The following SUCO variants were observed in gnomAD, a reference collection of about 807,000 sequenced individuals.
SUCO encodes the protein SUN domain containing ossification factor, also known as SUN domain-containing ossification factor.
Under a neutral mutation model 148.1 loss-of-function variants are expected in SUCO, and 57 were observed. That is an observed-to-expected ratio of 0.38 (90% CI 0.31 to 0.48). SUCO has a LOEUF of 0.48. Ranked by LOEUF, SUCO falls within the 20% of genes least tolerant of loss-of-function variation. The pLI, the probability that SUCO is intolerant of heterozygous loss-of-function variation, is 0.96. For missense variants in SUCO, 1,331 were observed against 1,468.2 expected (o/e 0.91, Z 1.53); for synonymous variants, 470 against 502.7 (o/e 0.93, Z 0.87).
At chr1:172,540,058 A>T (rs968683117) in intron 1 of SUCO, among the ~76,000 whole-genome samples, 1 of 152,204 alleles carries the variant, frequency 6.6e-6, no homozygotes, top group Non-Finnish European at 1.5e-5. Flanking sequence ...AATATGCATT[A>T]AATTATTTTA....
intron 1 of SUCO, among the ~76,000 whole-genome samples, chr1:172,535,671 A>G (rs1417388661): frequency 6.6e-6 from 1 of 152,176 alleles, no homozygotes; most frequent in East Asian, 1.9e-4. Flanking sequence ...GCCTTTTAGT[A>G]GCCACTTTTG....
chr1:172,570,477 T>C, intron 8 of SUCO, 186 bp from the exon 9 acceptor site: 2 of 566,640 alleles, frequency 3.5e-6, no homozygotes, highest in Non-Finnish European at 6.3e-6. Context: ...TAACACTAAT[T>C]TAATGCTGTT....
At chr1:172,605,984 G>A (rs564209083) in intron 22 of SUCO, among the ~76,000 whole-genome samples, 5 of 151,478 alleles carry the variant, frequency 3.3e-5, no homozygotes, top group Non-Finnish European at 7.4e-5. Flanking sequence ...GTTACCTATT[G>A]TCATAGGTAT....
At chr1:172,573,691 T>C (rs1421350068) in intron 9 of SUCO, among the ~76,000 whole-genome samples, 200 bp from the exon 10 acceptor site, 1 of 152,124 alleles carries the variant, frequency 6.6e-6, no homozygotes, top group Non-Finnish European at 1.5e-5. Flanking sequence ...TATTTACAGG[T>C]CTTTTCCCCC....
rs1285924298 is a variant in SUCO at position 172,557,681 on chromosome 1, C to T, written c.619C>T (p.His207Tyr). Residue 207 changes from histidine to tyrosine, a missense_variant, in exon 6 of 24, where the codon CAT becomes TAT. By Grantham distance (83) the His-to-Tyr change is moderately conservative. This residue lies in a region of SUCO where 992 missense variants were observed against 1,093.5 expected (regional missense o/e 0.91). Coordinates refer to ENST00000263688, the MANE Select transcript of SUCO (RefSeq NM_014283.5). ...GCATATAGAAAATGTATCATCTTCA[C>T]ATGGTAAAGGAAAGATAACAAAATC... The part of the protein sequence containing the change: ...GQHIENVSSS[H>Y]GKGKITKSEF... 2.5e-6 allele frequency: 4 copies of T among 1,611,722 alleles called. No individual in the cohort carries two copies. The African/African-American group carries it at 4.0e-5, about 16-fold the overall frequency.
chr1:172,550,287 A>G (rs1385363117), intron 1 of SUCO, among the ~76,000 whole-genome samples: 2 of 152,000 alleles, frequency 1.3e-5, no homozygotes, highest in East Asian at 3.9e-4. Flanking sequence ...TGAAATTGAC[A>G]CTTTTTCCAA....
chr1:172,602,553 C>A, intron 21 of SUCO, 143 bp from the exon 22 acceptor site: 1 of 1,432,256 alleles, frequency 7.0e-7, no homozygotes. Context: ...TTTTTTCCAC[C>A]TGTATTAGCA....
chr1:172,605,194 G>A (rs1338658105), intron 22 of SUCO, among the ~76,000 whole-genome samples: 1 of 151,752 alleles, frequency 6.6e-6, no homozygotes, highest in Non-Finnish European at 1.5e-5. Context: ...AGTCCCATTT[G>A]TCTATTGTGT....
At position 172,557,331 on chromosome 1, in the gene SUCO, G is replaced by A; in HGVS notation, c.495G>A (p.Glu165=). ...CGATAGCCAAACCAAGTGAAACTGAGCAGTCTGAAACTGATTGTGATGTTG... is the reference window on the plus strand; with the variant it reads ...CGATAGCCAAACCAAGTGAAACTGAACAGTCTGAAACTGATTGTGATGTTG... ...TIPIAKPSET[E]QSETDCDVGE... The change falls in exon 5 of 24, where the codon GAG becomes GAA. Residue 165 remains glutamate, a synonymous_variant. Transcript: ENST00000263688. 1 of 1,613,944 alleles carries A rather than the reference G, an allele frequency of 6.2e-7. No homozygotes were observed. Among genetic ancestry groups the A allele is most frequent in the Non-Finnish European group, 8.5e-7 (1 of 1,179,872 alleles).
intron 1 of SUCO, among the ~76,000 whole-genome samples, chr1:172,547,819 C>G (rs73032201): frequency 0.057 from 8,653 of 152,018 alleles, 765 homozygotes; most frequent in African/African-American, 0.19. Context: ...GAAGTTGATA[C>G]CTGTATTGTA....
chr1:172,542,809 A>G, intron 1 of SUCO: 2 of 985,408 alleles, frequency 2.0e-6, no homozygotes, highest in Non-Finnish European at 2.4e-6. Context: ...TCTGAAAGAA[A>G]GGAGGAAACT....
intron 9 of SUCO, among the ~76,000 whole-genome samples, chr1:172,571,615 A>G (rs1654998013): frequency 7.5e-6 from 1 of 133,332 alleles, no homozygotes; most frequent in Non-Finnish European, 1.6e-5. Flanking sequence ...GGAAGTGAGG[A>G]GCGCCTCTTC....
At chr1:172,571,140 G>A (rs1274914146) in intron 9 of SUCO, among the ~76,000 whole-genome samples, 2 of 152,256 alleles carry the variant, frequency 1.3e-5, no homozygotes, top group Non-Finnish European at 2.9e-5. Flanking sequence ...TGCCATCTCG[G>A]CACACTGCAG....
At position 172,588,770 on chromosome 1, in the gene SUCO, A is replaced by G. The variant is rs755333238; in HGVS notation, c.1669A>G (p.Thr557Ala). The G allele has an allele frequency of 6.7e-7, 1 of 1,496,570 alleles. No homozygotes were observed. Among genetic ancestry groups the G allele is most frequent in the Non-Finnish European group, 8.9e-7 (1 of 1,122,114 alleles). 92.7% of individuals were successfully genotyped at this position (1,496,570 alleles called of 1,614,324 possible). A position where few individuals can be genotyped will look rare whatever the true frequency, so the allele number is the denominator to read the frequency against. The change falls in exon 18 of 24, where the codon ACT (threonine) becomes GCT (alanine). Residue 557 changes from threonine (T) to alanine (A), a missense_variant. Around this residue, in one of 3 missense-constraint regions of SUCO, gnomAD observed 992 missense variants for 1,093.5 expected, o/e 0.91. Coordinates refer to ENST00000263688, the MANE Select transcript of SUCO (RefSeq NM_014283.5). The part of the protein sequence containing the change: ...TPVPSPEYVT[T>A]EVHTHDMEPS... ...TATATGTATTTCTAGGTATGTAACC[A>G]CTGAAGTACACACACATGACATGGA...
chr1:172,535,115 C>A (rs997970303), intron 1 of SUCO, among the ~76,000 whole-genome samples: 2 of 152,102 alleles, frequency 1.3e-5, no homozygotes, highest in African/African-American at 4.8e-5. Flanking sequence ...GTTTTCTCAC[C>A]TTCAATCATT....
intron 1 of SUCO, among the ~76,000 whole-genome samples, chr1:172,535,152 C>A (rs1651917032): frequency 1.3e-5 from 2 of 152,164 alleles, no homozygotes; most frequent in Non-Finnish European, 1.5e-5. Flanking sequence ...TAATGAATTT[C>A]CCTGTTAGGG....
rs780348355 is a variant in SUCO, at chr1:172,533,391, C to T, written c.-45C>T. 3.2e-6 allele frequency: 5 copies of T among 1,551,716 alleles called. No individual in the cohort carries two copies. The Admixed American group carries it at 7.8e-5, about 24-fold the overall frequency. ...TCTTGGCCTCGGCAGTGGCGGCTGC[C>T]GGGAGGATGTGCCGCCTTCTGGCAG... On this transcript the variant is annotated 5_prime_UTR_variant, in exon 1 of 24. Coordinates refer to ENST00000263688, the MANE Select transcript of SUCO (RefSeq NM_014283.5).
chr1:172,550,377 C>T (rs544613625), intron 1 of SUCO, among the ~76,000 whole-genome samples: 12 of 152,020 alleles, frequency 7.9e-5, no homozygotes, highest in Non-Finnish European at 1.5e-4. Context: ...TATCTGGACA[C>T]GTTATTGTTT....
At chr1:172,587,549 G>T (rs1401314383) in intron 17 of SUCO, among the ~76,000 whole-genome samples, 1 of 151,952 alleles carries the variant, frequency 6.6e-6, no homozygotes, top group East Asian at 1.9e-4. Flanking sequence ...TATATTACCT[G>T]AATATGTAAG....
Sources: gnomAD v4.1 joint callset for allele counts (sites outside exome capture counted in the v4.1 genomes callset) on GRCh38, gnomAD v4.1.1 for gene constraint, gnomAD v4.1.1 regional missense constraint, MANE v1.5 for transcripts, NCBI Gene and HGNC (gene_info 2026-07-23, HGNC 2026-07-21) for gene names.